UST: variants seen among roughly 807,000 people sequenced by gnomAD.
UST encodes chondroitin sulfate 2-O-sulfotransferase.
A neutral mutation model predicts 45.6 loss-of-function variants in UST; 21 were observed. The ratio of observed to expected loss-of-function variants is 0.46; its 90% CI spans 0.33 to 0.66. UST has a LOEUF of 0.66. Ranked by LOEUF, UST falls within the 30% of genes least tolerant of loss-of-function variation. The pLI is 0.02. For missense variants in UST, 463 were observed against 512.4 expected (o/e 0.90, Z 0.93); for synonymous variants, 215 against 200.6 (o/e 1.07, Z -0.61).
At chr6:148,761,888 A>G (rs961786779) in intron 1 of UST, among the ~76,000 whole-genome samples, 3 of 152,244 alleles carry the variant, frequency 2.0e-5, no homozygotes, top group South Asian at 2.1e-4. Flanking sequence ...CCAACAGTCC[A>G]TAGAAGCAGC....
At chr6:148,882,506 A>G (rs903844097) in intron 1 of UST, among the ~76,000 whole-genome samples, 3 of 151,428 alleles carry the variant, frequency 2.0e-5, no homozygotes, top group African/African-American at 7.3e-5. Flanking sequence ...AAAAAAAAAA[A>G]AAGAGTTGTC....
At chr6:148,762,413 C>T (rs777128091) in intron 1 of UST, among the ~76,000 whole-genome samples, 1 of 152,120 alleles carries the variant, frequency 6.6e-6, no homozygotes, top group Non-Finnish European at 1.5e-5. Context: ...ACCATGGTGG[C>T]ACTCTGTCTC....
At chr6:148,788,718 C>T (rs1267847798) in intron 1 of UST, among the ~76,000 whole-genome samples, 1 of 152,074 alleles carries the variant, frequency 6.6e-6, no homozygotes, top group Non-Finnish European at 1.5e-5. Context: ...ATAAAATTGT[C>T]AAGAGAAACT....
intron 2 of UST, among the ~76,000 whole-genome samples, chr6:148,899,077 T>C (rs1333253546): frequency 6.8e-6 from 1 of 147,046 alleles, no homozygotes; most frequent in Non-Finnish European, 1.5e-5. Context: ...CAATATAGCA[T>C]ATAGCTACCT....
rs1385956758 is a variant in UST at position 149,076,138 on chromosome 6, G to A, written c.*2022G>A. 6.6e-6 allele frequency: 1 copy of A among 152,286 alleles called. No homozygotes were observed. Among genetic ancestry groups the A allele is most frequent in the African/African-American group, 2.4e-5 (1 of 41,424 alleles). The allele number at this position is 152,286 out of a possible 1,614,324, so 9.4% of individuals were successfully genotyped here. On this transcript the variant is annotated 3_prime_UTR_variant, in exon 8 of 8. Transcript: ENST00000367463. ...GATGAAGGGAAATGTTCTTAGAGGA[G>A]GAAATATCCTTTGTCCTGTTCAGAG... is the stretch of plus-strand genomic sequence containing the variant.
intron 1 of UST, among the ~76,000 whole-genome samples, chr6:148,823,539 A>G (rs181678428): frequency 6.6e-6 from 1 of 152,226 alleles, no homozygotes; most frequent in African/African-American, 2.4e-5. Flanking sequence ...TTAATCTATT[A>G]CCTACTGGTG....
At chr6:148,910,833 T>A (rs1249110483) in intron 2 of UST, among the ~76,000 whole-genome samples, 1 of 152,206 alleles carries the variant, frequency 6.6e-6, no homozygotes, top group Non-Finnish European at 1.5e-5. Context: ...CCATTTCCAC[T>A]GATGATAGAA....
Position 148,835,187 on chromosome 6 carries a change from A to G in UST, c.248-51799A>G, listed in dbSNP as rs1213894991. ...AAAAATAATACAATTAAAAAATTAC[A>G]GTATAACTATTAATACATAGCATTT... is the stretch of plus-strand genomic sequence containing the variant. On this transcript the variant is annotated intron_variant, in intron 1 of 7. Coordinates refer to ENST00000367463, the MANE Select transcript of UST (RefSeq NM_005715.3). Among the ~76,000 whole-genome samples the G allele has an allele frequency of 9.2e-5, 14 of 152,218 alleles. No homozygotes were observed. The East Asian group carries it at 2.3e-3, about 25-fold the overall frequency.
intron 4 of UST, among the ~76,000 whole-genome samples, chr6:148,961,223 G>A (rs1388318462): frequency 1.3e-5 from 2 of 152,196 alleles, no homozygotes; most frequent in Non-Finnish European, 2.9e-5. Context: ...AACAAATGTC[G>A]AAGAAATTGG....
At chr6:148,863,677 G>A (rs962305398) in intron 1 of UST, among the ~76,000 whole-genome samples, 3 of 152,144 alleles carry the variant, frequency 2.0e-5, no homozygotes, top group Non-Finnish European at 2.9e-5. Flanking sequence ...ATACAGATGG[G>A]GTTTTGGTGT....
chr6:148,776,777 G>A lies in UST; in HGVS notation c.247+29100G>A, dbSNP rs922202772. The stretch of plus-strand genomic sequence containing the variant: ...TTCTCCAGTGGAACTATTAGTCATC[G>A]TTTGAATCTCGTAAGACATTGTTTC... On this transcript the variant is annotated intron_variant, in intron 1 of 7. Transcript: ENST00000367463. Among the ~76,000 whole-genome samples, 9 of 152,112 alleles carry A rather than the reference G, an allele frequency of 5.9e-5. No individual in the cohort carries two copies. In the South Asian group the frequency reaches 6.2e-4, roughly 11 times the overall value.
At chr6:148,964,319 G>A in intron 4 of UST, 91 bp from the exon 5 acceptor site, 1 of 1,504,664 alleles carries the variant, frequency 6.6e-7, no homozygotes, top group South Asian at 1.3e-5. Context: ...CTTTCAATAA[G>A]TTAACCTAGA....
intron 1 of UST, among the ~76,000 whole-genome samples, chr6:148,789,210 A>T (rs1191301176): frequency 6.6e-6 from 1 of 152,104 alleles, no homozygotes; most frequent in Non-Finnish European, 1.5e-5. Context: ...TTATTTCTTC[A>T]CCTGAATTTT....
intron 1 of UST, among the ~76,000 whole-genome samples, chr6:148,780,182 G>T (rs184600662): frequency 6.6e-6 from 1 of 151,954 alleles, no homozygotes; most frequent in East Asian, 1.9e-4. Flanking sequence ...GTGGTTCACT[G>T]TATTGTACTT....
chr6:148,875,601 C>A (rs2114822449), intron 1 of UST, among the ~76,000 whole-genome samples: 1 of 152,308 alleles, frequency 6.6e-6, no homozygotes, highest in South Asian at 2.1e-4. Context: ...TCAGGGAGTT[C>A]AAGACCAGCC....
Position 149,076,637 on chromosome 6 carries a change from T to C in UST, c.*2521T>C, listed in dbSNP as rs1776893545. The C allele has an allele frequency of 6.6e-6, 1 of 152,666 alleles. No homozygotes were observed. Among genetic ancestry groups the C allele is most frequent in the African/African-American group, 2.4e-5 (1 of 41,454 alleles). The allele number at this position is 152,666 out of a possible 1,614,324, so 9.5% of individuals were successfully genotyped here. Reference sequence around the variant, plus strand: ...TTTTGGCCCTGGGCCCAACAGTTTGTACTTCATGAAACATATTGTACATTT... The same window carrying C: ...TTTTGGCCCTGGGCCCAACAGTTTGCACTTCATGAAACATATTGTACATTT... On this transcript the variant is annotated 3_prime_UTR_variant, in exon 8 of 8. Transcript: ENST00000367463.
chr6:149,071,762 C>A (rs1259971415), intron 7 of UST, among the ~76,000 whole-genome samples: 1 of 151,750 alleles, frequency 6.6e-6, no homozygotes, highest in Non-Finnish European at 1.5e-5. Context: ...GTAAATAACT[C>A]CTTCAACTCA....
At chr6:148,994,792 C>T (rs1781419309) in intron 5 of UST, among the ~76,000 whole-genome samples, 1 of 152,118 alleles carries the variant, frequency 6.6e-6, no homozygotes, top group Admixed American at 6.5e-5. Context: ...TTGCCCTGCT[C>T]ACTGCAGTTT....
intron 1 of UST, among the ~76,000 whole-genome samples, chr6:148,824,365 C>T (rs1006872527): frequency 6.6e-6 from 1 of 152,218 alleles, no homozygotes; most frequent in African/African-American, 2.4e-5. Context: ...CAGTAAGAGA[C>T]ATTTCCTTGG....
Sources: gnomAD v4.1 joint callset for allele counts (sites outside exome capture counted in the v4.1 genomes callset) on GRCh38, gnomAD v4.1.1 for gene constraint, MANE v1.5 for transcripts, NCBI Gene and HGNC (gene_info 2026-07-23, HGNC 2026-07-21) for gene names.